The following HSF1 variants were observed in gnomAD, a reference collection of about 807,000 sequenced individuals.
HSF1 encodes heat shock transcription factor 1.
In HSF1, 32 loss-of-function variants were observed where a neutral mutation model predicts 51.7. The ratio of observed to expected loss-of-function variants is 0.62; its 90% CI spans 0.47 to 0.83. HSF1 has a LOEUF of 0.83. HSF1 is among the 40% of genes least tolerant of loss of function. The pLI is 0.00. For missense variants in HSF1, 727 were observed against 717.0 expected, an observed-to-expected ratio of 1.01 and a Z score of -0.16; for synonymous variants, 396 against 309.7, an observed-to-expected ratio of 1.28 and a Z score of -2.92.
intron 10 of HSF1, 88 bp downstream of exon 10, chr8:144,313,704 GCCGCCGCCCCGCCTCC>G: frequency 2.6e-5 from 1 of 38,314 alleles, no homozygotes; most frequent in African/African-American, 2.5e-4. Context: ...GCCTCCCCGC[GCCGCCGCCCCGCCTCC>G]CCGCCCCGCC....
chr8:144,314,604 A>G lies in HSF1; in HGVS notation c.*274A>G. 1.9e-6 allele frequency: 1 copy of G among 521,356 alleles called. No homozygotes were observed. The highest frequency in any genetic ancestry group is 3.5e-6 in the Non-Finnish European group (1 of 288,950). The allele number at this position is 521,356 out of a possible 1,614,324, so 32.3% of individuals were successfully genotyped here. On this transcript the variant is annotated 3_prime_UTR_variant, in exon 13 of 13. Transcript: ENST00000528838. ...GCAGGTTGTTCATAGTCAGAATTGT[A>G]TTTTGGATTTTTACACAACTGTCCC...
intron 1 of HSF1, among the ~76,000 whole-genome samples, chr8:144,304,836 G>A (rs990083154): frequency 1.9e-4 from 29 of 151,490 alleles, no homozygotes; most frequent in African/African-American, 6.1e-4. Context: ...TAGAGGCGGG[G>A]TTTCACCATG....
In HSF1 at chr8:144,297,178, G is replaced by A. The variant is rs1289990838; in HGVS notation, c.117+5304G>A. Among the ~76,000 whole-genome samples, 1 of 149,556 alleles carries A rather than the reference G, an allele frequency of 6.7e-6. No individual in the cohort carries two copies. The highest frequency in any genetic ancestry group is 1.5e-5 in the Non-Finnish European group (1 of 68,032). ...GGCTCACAGTGCCTTCCCAGAGGAA[G>A]CAAGCAGCTCCCATCGGGTATATTG... On this transcript the variant is annotated intron_variant, in intron 1 of 12. Transcript: ENST00000528838. The surrounding 1 kb of genome is among the most constrained non-coding windows in gnomAD (Gnocchi z 4.6).
chr8:144,314,173 C>G lies in HSF1; in HGVS notation c.1433C>G (p.Pro478Arg). 2 of 1,549,434 alleles carry G rather than the reference C, an allele frequency of 1.3e-6. No homozygotes were observed. The highest frequency in any genetic ancestry group is 1.7e-6 in the Non-Finnish European group (2 of 1,146,686). The change falls in exon 13 of 13, where the codon CCC becomes CGC. Residue 478 changes from proline (P) to arginine (R), a missense_variant. Around this residue, in one of 2 missense-constraint regions of HSF1, gnomAD observed 470 missense variants for 398.8 expected, o/e 1.18. Transcript: ENST00000528838. Reference protein sequence around the residue: ...YTAQPLFLLDPGSVDTGSNDL... With the variant: ...YTAQPLFLLDRGSVDTGSNDL... ...GCGCAGCCGCTGTTCCTGCTGGACC[C>G]CGGCTCCGTGGACACCGGGAGCAAC...
intron 1 of HSF1, among the ~76,000 whole-genome samples, chr8:144,306,641 G>T (rs561225267): frequency 6.6e-6 from 1 of 152,336 alleles, no homozygotes; most frequent in South Asian, 2.1e-4. Context: ...GGGACCGCAG[G>T]CGTGAACCAG....
chr8:144,296,935 G>GA (rs11377599), intron 1 of HSF1, among the ~76,000 whole-genome samples: 1 of 151,872 alleles, frequency 6.6e-6, no homozygotes, highest in Non-Finnish European at 1.5e-5. Flanking sequence ...GGTGGGGGGG[G>GA]TGCGGTGAGG....
chr8:144,311,256 G>A lies in HSF1; in HGVS notation c.564+7G>A, dbSNP rs781824892. The A allele has an allele frequency of 4.3e-6, 7 of 1,613,470 alleles. No homozygotes were observed. The highest frequency in any genetic ancestry group is 5.9e-6 in the Non-Finnish European group (7 of 1,179,986). ...ACAGAAAGTCGTCAACAAGGTGGGGGCAGGGCCAGAGGGCCGGCGGGGGCC... is the reference window on the plus strand; with the variant it reads ...ACAGAAAGTCGTCAACAAGGTGGGGACAGGGCCAGAGGGCCGGCGGGGGCC... On this transcript the variant is annotated splice_region_variant and intron_variant, in intron 5 of 12. Transcript: ENST00000528838.
At position 144,292,322 on chromosome 8, in the gene HSF1, G is replaced by T. The variant is rs746876232; in HGVS notation, c.117+448G>T. 1.4e-4 allele frequency among the ~76,000 whole-genome samples: 21 copies of T among 152,242 alleles called. 1 individual carries two copies. Among genetic ancestry groups the T allele is most frequent in the Non-Finnish European group, 2.9e-5 (2 of 68,048 alleles). On this transcript the variant is annotated intron_variant, in intron 1 of 12. Coordinates refer to ENST00000528838, the MANE Select transcript of HSF1 (RefSeq NM_005526.4). ...CAGGACTTGGCACGTGAAGTGGAGG[G>T]CGTTGCTGTAGTGGAACAGGAAAGG...
chr8:144,309,024 G>A lies in HSF1; in HGVS notation c.226+10G>A. 2.5e-6 allele frequency: 4 copies of A among 1,603,298 alleles called. No individual in the cohort carries two copies. The highest frequency in any genetic ancestry group is 3.4e-6 in the Non-Finnish European group (4 of 1,170,214). ...CGGCAGCTCAACATGTGTGAGTGCT[G>A]CCTCCAGGCAGCGCAGGGGTGCGGG... On this transcript the variant is annotated intron_variant, in intron 2 of 12. Coordinates refer to ENST00000528838, the MANE Select transcript of HSF1 (RefSeq NM_005526.4).
In HSF1 at chr8:144,311,983, T is replaced by A. The variant is rs782346222; in HGVS notation, c.881T>A (p.Leu294Gln). The A allele has an allele frequency of 6.3e-7, 1 of 1,589,920 alleles. No individual in the cohort carries two copies. Among genetic ancestry groups the A allele is most frequent in the Admixed American group, 1.7e-5 (1 of 57,508 alleles). Residue 294 changes from leucine to glutamine, a missense_variant, in exon 9 of 13, where the codon CTG (leucine) becomes CAG (glutamine). Physicochemically the swap from Leu to Gln is moderately radical, Grantham distance 113. Transcript: ENST00000528838. ...IDERPLSSSP[L>Q]VRVKEEPPSP... Reference sequence around the variant, plus strand: ...TGCAGGCCCCTATCCAGCAGCCCCCTGGTGCGTGTCAAGGAGGAGCCCCCC... The same window carrying A: ...TGCAGGCCCCTATCCAGCAGCCCCCAGGTGCGTGTCAAGGAGGAGCCCCCC...
chr8:144,301,747 C>A (rs1815890944), intron 1 of HSF1, among the ~76,000 whole-genome samples: 1 of 151,976 alleles, frequency 6.6e-6, no homozygotes, highest in Non-Finnish European at 1.5e-5. Context: ...TGCCTGTAGT[C>A]CTAGCTACTC....
chr8:144,298,394 C>T (rs919967112), intron 1 of HSF1, among the ~76,000 whole-genome samples: 1 of 149,110 alleles, frequency 6.7e-6, no homozygotes, highest in African/African-American at 2.5e-5. Context: ...GTCAGCAGTT[C>T]AAGACCAGCC....
intron 1 of HSF1, among the ~76,000 whole-genome samples, chr8:144,294,378 G>A (rs2130309896): frequency 6.6e-6 from 1 of 152,290 alleles, no homozygotes; most frequent in South Asian, 2.1e-4. Context: ...CTGGCTCTCG[G>A]AGGCCTTGAG....
intron 2 of HSF1, 69 bp downstream of exon 2, chr8:144,309,083 A>G: frequency 4.1e-6 from 5 of 1,219,600 alleles, no homozygotes; most frequent in Non-Finnish European, 6.1e-6. Flanking sequence ...CCCCAGCAGG[A>G]GGACCCTGTG....
chr8:144,310,270 C>G (rs1816537363), intron 4 of HSF1: 1 of 192,286 alleles, frequency 5.2e-6, no homozygotes, highest in Non-Finnish European at 1.1e-5. Context: ...CCACCTCAGG[C>G]CCTTCCTGGA....
At chr8:144,306,023 C>T (rs989342204) in intron 1 of HSF1, among the ~76,000 whole-genome samples, 8 of 151,966 alleles carry the variant, frequency 5.3e-5, no homozygotes, top group Non-Finnish European at 1.0e-4. Flanking sequence ...TGAGCCACCG[C>T]GCCCGGCCCC....
intron 1 of HSF1, among the ~76,000 whole-genome samples, chr8:144,303,739 G>A (rs940019559): frequency 1.3e-5 from 2 of 152,128 alleles, no homozygotes; most frequent in African/African-American, 4.8e-5. Context: ...TAAGCCGGGC[G>A]TGGTGGCACA....
At position 144,311,263 on chromosome 8, in the gene HSF1, C is replaced by T. The variant is rs782762509; in HGVS notation, c.564+14C>T. ...GTCGTCAACAAGGTGGGGGCAGGGC[C>T]AGAGGGCCGGCGGGGGCCCCACAAG... On this transcript the variant is annotated intron_variant, in intron 5 of 12. Coordinates refer to ENST00000528838, the MANE Select transcript of HSF1 (RefSeq NM_005526.4). 6.2e-7 allele frequency: 1 copy of T among 1,613,464 alleles called. No homozygotes were observed. The highest frequency in any genetic ancestry group is 1.1e-5 in the South Asian group (1 of 91,088).
rs1343715917 is a variant in HSF1, at chr8:144,291,734, C to T, written c.-24C>T. 134 of 1,386,012 alleles carry T rather than the reference C, an allele frequency of 9.7e-5. No individual in the cohort carries two copies. Among genetic ancestry groups the T allele is most frequent in the Non-Finnish European group, 1.3e-4 (132 of 1,027,852 alleles). 85.9% of individuals were successfully genotyped at this position (1,386,012 alleles called of 1,614,324 possible). ...CGGCCCCTCTTTGCGGCCGCTCCCTCCGCCTATTCCCTCCTTGCTCGAGAT... is the reference window on the plus strand; with the variant it reads ...CGGCCCCTCTTTGCGGCCGCTCCCTTCGCCTATTCCCTCCTTGCTCGAGAT... On this transcript the variant is annotated 5_prime_UTR_variant, in exon 1 of 13. Coordinates refer to ENST00000528838, the MANE Select transcript of HSF1 (RefSeq NM_005526.4). The surrounding 1 kb of genome is among the most constrained non-coding windows in gnomAD (Gnocchi z 4.1).
Sources: gnomAD v4.1 joint callset for allele counts (sites outside exome capture counted in the v4.1 genomes callset) on GRCh38, gnomAD v4.1.1 for gene constraint, gnomAD v4.1.1 regional missense constraint, Gnocchi (gnomAD v3.1) non-coding constraint, MANE v1.5 for transcripts, NCBI Gene and HGNC (gene_info 2026-07-23, HGNC 2026-07-21) for gene names.